The following SEMA4D variants were observed in gnomAD, a reference collection of about 807,000 sequenced individuals.
The protein encoded by SEMA4D is semaphorin 4D, also known as semaphorin-4D.
SEMA4D carries 22 observed loss-of-function variants against 74.8 expected under a neutral mutation model. That is an observed-to-expected ratio of 0.29 (90% CI 0.21 to 0.42). The LOEUF (loss-of-function observed/expected upper bound fraction) is 0.42, where lower values mean the gene tolerates loss of function less well. Ranked by LOEUF, SEMA4D falls within the 10% of genes least tolerant of loss-of-function variation. The pLI is 1.00. For synonymous variants in SEMA4D, 445 were observed against 463.7 expected, an observed-to-expected ratio of 0.96 and a Z score of 0.52; for missense variants, 937 against 1,118.4, an observed-to-expected ratio of 0.84 and a Z score of 2.31.
intron 5 of SEMA4D, among the ~76,000 whole-genome samples, chr9:89,398,817 G>A (rs1294418018): frequency 6.6e-6 from 1 of 152,204 alleles, no homozygotes; most frequent in Non-Finnish European, 1.5e-5. Flanking sequence ...AAGAGGTTGA[G>A]CACAGCAGGC....
chr9:89,480,523 G>A (rs2136179287), intron 1 of SEMA4D, among the ~76,000 whole-genome samples: 1 of 152,354 alleles, frequency 6.6e-6, no homozygotes, highest in African/African-American at 2.4e-5. Flanking sequence ...GTGGGTGGGA[G>A]GCTCAGGCAT....
chr9:89,408,295 G>A (rs1233512158), intron 2 of SEMA4D, among the ~76,000 whole-genome samples: 1 of 152,240 alleles, frequency 6.6e-6, no homozygotes, highest in East Asian at 1.9e-4. Flanking sequence ...GAGTGGGGCT[G>A]CGTGGAAGCA....
chr9:89,442,699 T>C (rs1354353907), intron 2 of SEMA4D, among the ~76,000 whole-genome samples: 3 of 152,108 alleles, frequency 2.0e-5, no homozygotes, highest in African/African-American at 4.8e-5. Flanking sequence ...TCAGGATACA[T>C]GCAAGGGGAG....
At chr9:89,417,833 C>G (rs1846048991) in intron 2 of SEMA4D, among the ~76,000 whole-genome samples, 1 of 152,196 alleles carries the variant, frequency 6.6e-6, no homozygotes, top group African/African-American at 2.4e-5. Flanking sequence ...CTGGGACAAG[C>G]AGTGGCAGAG....
intron 1 of SEMA4D, among the ~76,000 whole-genome samples, chr9:89,465,763 T>C (rs1217533043): frequency 6.6e-6 from 1 of 152,248 alleles, no homozygotes; most frequent in Non-Finnish European, 1.5e-5. Flanking sequence ...ACAAGGATTA[T>C]TTGCATTGCC....
intron 8 of SEMA4D, 94 bp from the exon 9 acceptor site, chr9:89,391,509 G>A: frequency 8.1e-7 from 1 of 1,235,348 alleles, no homozygotes; most frequent in Middle Eastern, 2.3e-4. Flanking sequence ...TACCTTGGGG[G>A]CCTGAGGGCT....
chr9:89,402,414 G>A (rs1045360679), intron 4 of SEMA4D, among the ~76,000 whole-genome samples: 13 of 152,172 alleles, frequency 8.5e-5, no homozygotes, highest in Middle Eastern at 3.4e-3. Context: ...CACAAGAGTC[G>A]GTGAAATATG....
rs147240123 is a variant in SEMA4D, at chr9:89,379,216, C to T, written c.2077G>A (p.Gly693Arg). ...GGCTTGGGAGGAAGGGTGATGGCCC[C>T]GGAGGAGGTGGCCTGCACGGCTGGG... is the stretch of plus-strand genomic sequence containing the variant. Reference protein sequence around the residue: ...PTPAVQATSSGAITLPPKPAP... With the variant: ...PTPAVQATSSRAITLPPKPAP... The change falls in exon 16 of 16, where the codon GGG (glycine) becomes AGG (arginine). Residue 693 changes from glycine to arginine, a missense_variant. Gly to Arg is a moderately radical substitution (Grantham distance 125, BLOSUM62 -2). Transcript: ENST00000422704. 2.1e-5 allele frequency: 34 copies of T among 1,613,902 alleles called. No homozygotes were observed. Among genetic ancestry groups the T allele is most frequent in the Admixed American group, 1.2e-4 (7 of 60,010 alleles).
intron 13 of SEMA4D, chr9:89,385,866 G>GGGGGGGCCCCCCCCCCC: frequency 1.5e-5 from 3 of 196,224 alleles, no homozygotes; most frequent in Non-Finnish European, 2.7e-5. Context: ...CAGCGTGGAT[G>GGGGGGGCCCCCCCCCCC]CCCGCCCACC....
chr9:89,486,203 A>T (rs1262687614), intron 1 of SEMA4D, among the ~76,000 whole-genome samples: 1 of 152,232 alleles, frequency 6.6e-6, no homozygotes, highest in African/African-American at 2.4e-5. Flanking sequence ...AAATACCTGC[A>T]TAATTATGCT....
At chr9:89,439,340 T>C (rs1273896838) in intron 2 of SEMA4D, among the ~76,000 whole-genome samples, 1 of 152,160 alleles carries the variant, frequency 6.6e-6, no homozygotes, top group East Asian at 1.9e-4. Context: ...TTTTCAGACA[T>C]GTTTATAGAT....
At chr9:89,409,234 T>C (rs1429092800) in intron 2 of SEMA4D, among the ~76,000 whole-genome samples, 1 of 152,160 alleles carries the variant, frequency 6.6e-6, no homozygotes, top group Non-Finnish European at 1.5e-5. Flanking sequence ...GGCAAAACCA[T>C]GAAGACAGTA....
chr9:89,405,387 A>G lies in SEMA4D; in HGVS notation c.70T>C (p.Phe24Leu), dbSNP rs1182595878. The G allele has an allele frequency of 6.2e-7, 1 of 1,613,948 alleles. No homozygotes were observed. The stretch of plus-strand genomic sequence containing the variant: ...CAGGTGATCCGGGGTATGGGTGCAA[A>G]TGCCATCGCTGTCCCAAACATCACT... ...LAVMFGTAMA[F>L]APIPRITWEH... Residue 24 changes from phenylalanine to leucine, a missense_variant, in exon 3 of 16, where the codon TTT (phenylalanine) becomes CTT (leucine). By Grantham distance (22) the Phe-to-Leu change is conservative. Coordinates refer to ENST00000422704, the MANE Select transcript of SEMA4D (RefSeq NM_001371194.2).
At chr9:89,393,754 G>A (rs192035911) in intron 6 of SEMA4D, 99 bp from the exon 7 acceptor site, 254 of 939,208 alleles carry the variant, frequency 2.7e-4, no homozygotes, top group Non-Finnish European at 4.1e-4. Context: ...TGCTCTTCTC[G>A]GAAGACCAAC....
chr9:89,379,118 G>A lies in SEMA4D; in HGVS notation c.2175C>T (p.Thr725=), dbSNP rs143581008. Residue 725 remains threonine (T), a synonymous_variant, in exon 16 of 16, where the codon ACC becomes ACT. Coordinates refer to ENST00000422704, the MANE Select transcript of SEMA4D (RefSeq NM_001371194.2). ...GGTTGTCGCTGGACTTAAGATACATGGTTTTCTCCGAGTGGAGCTGGGGGA... is the reference window on the plus strand; with the variant it reads ...GGTTGTCGCTGGACTTAAGATACATAGTTTTCTCCGAGTGGAGCTGGGGGA... ...NTVPQLHSEK[T]MYLKSSDNRL... 9.9e-6 allele frequency: 16 copies of A among 1,614,170 alleles called. No homozygotes were observed. In the African/African-American group the frequency reaches 1.9e-4, roughly 19 times the overall value.
intron 2 of SEMA4D, among the ~76,000 whole-genome samples, chr9:89,436,893 G>A (rs1349492264): frequency 6.6e-6 from 1 of 152,250 alleles, no homozygotes; most frequent in Non-Finnish European, 1.5e-5. Flanking sequence ...GGATGGGTGA[G>A]CTGCCTAAGG....
intron 2 of SEMA4D, among the ~76,000 whole-genome samples, chr9:89,430,314 A>G (rs1166579449): frequency 6.6e-6 from 1 of 152,136 alleles, no homozygotes; most frequent in Non-Finnish European, 1.5e-5. Context: ...CCAACCACAT[A>G]CACACTGTGT....
intron 4 of SEMA4D, among the ~76,000 whole-genome samples, chr9:89,400,475 C>T (rs550242738): frequency 1.3e-5 from 2 of 152,310 alleles, no homozygotes; most frequent in African/African-American, 4.8e-5. Context: ...CACAGGGCTT[C>T]TAGGAGGGAG....
chr9:89,370,044 T>G (rs1048654057), intron 16 of SEMA4D, among the ~76,000 whole-genome samples: 34 of 145,056 alleles, frequency 2.3e-4, no homozygotes, highest in African/African-American at 8.7e-4. Flanking sequence ...GTGCTGTGTG[T>G]GGTGCATGTG....
Sources: allele counts gnomAD v4.1 joint callset (sites outside exome capture counted in the v4.1 genomes callset), GRCh38; gene constraint gnomAD v4.1.1; transcripts MANE v1.5; gene names NCBI Gene and HGNC (gene_info 2026-07-23, HGNC 2026-07-21).